Variants in SLC7A8 observed in about 807,000 individuals in gnomAD.
SLC7A8 encodes the protein large neutral amino acids transporter small subunit 2.
In SLC7A8, 30 loss-of-function variants were observed where a neutral mutation model predicts 51.2. The ratio of observed to expected loss-of-function variants is 0.59; its 90% CI spans 0.44 to 0.80. The LOEUF is 0.80. Among genes scored for constraint, SLC7A8 ranks in the 30% least tolerant of loss-of-function variants. The pLI, the probability that SLC7A8 is intolerant of heterozygous loss-of-function variation, is 0.00. For synonymous variants in SLC7A8, 257 were observed against 275.8 expected (o/e 0.93, Z 0.67); for missense variants, 612 against 674.4 (o/e 0.91, Z 1.03).
intron 3 of SLC7A8, among the ~76,000 whole-genome samples, chr14:23,154,760 G>A (rs1330798411): frequency 6.6e-6 from 1 of 152,048 alleles, no homozygotes; most frequent in African/African-American, 2.4e-5. Context: ...AGGTGTGGGG[G>A]AGTGGGCAGA....
chr14:23,150,619 C>G (rs2048838356), intron 3 of SLC7A8, among the ~76,000 whole-genome samples: 1 of 152,126 alleles, frequency 6.6e-6, no homozygotes, highest in Admixed American at 6.6e-5. Flanking sequence ...TACTCTGTAT[C>G]CTGTGTATTG....
At chr14:23,146,447 G>C (rs2048795114) in intron 3 of SLC7A8, among the ~76,000 whole-genome samples, 1 of 152,144 alleles carries the variant, frequency 6.6e-6, no homozygotes, top group South Asian at 2.1e-4. Context: ...TTACAAGATG[G>C]ACCTTACTGA....
rs1411467076 is a variant in SLC7A8, at chr14:23,140,834, C to A, written c.635-210G>T. On this transcript the variant is annotated intron_variant, in intron 4 of 10. Transcript: ENST00000316902. ...TTCCGAGACCCCGGAAACTACGAGT[C>A]CAAATGAGGGTTTAAGTGCCGTTCT... Among the ~76,000 whole-genome samples, 3 of 152,232 alleles carry A rather than the reference C, an allele frequency of 2.0e-5. No individual in the cohort carries two copies. In the East Asian group the frequency reaches 5.8e-4, roughly 29 times the overall value.
In SLC7A8 at chr14:23,127,091, G is replaced by A. The variant is rs761909977; in HGVS notation, c.*86C>T. 6 of 1,491,496 alleles carry A rather than the reference G, an allele frequency of 4.0e-6. No homozygotes were observed. The highest frequency in any genetic ancestry group is 1.7e-5 in the Admixed American group (1 of 58,356). The allele number at this position is 1,491,496 out of a possible 1,614,324, so 92.4% of individuals were successfully genotyped here. A position where few individuals can be genotyped will look rare whatever the true frequency, so the allele number is the denominator to read the frequency against. On this transcript the variant is annotated 3_prime_UTR_variant, in exon 11 of 11. Transcript: ENST00000316902. ...GACAAAAGCAGAGAGAGGGGTGTGT[G>A]TGTACTCGCATGTGTTGGCAGGACC...
intron 1 of SLC7A8, among the ~76,000 whole-genome samples, chr14:23,181,395 C>T (rs1877168768): frequency 7.5e-6 from 1 of 133,902 alleles, no homozygotes; most frequent in Admixed American, 9.7e-5. Flanking sequence ...GAAAACTTCC[C>T]AGAGTCAGGG....
chr14:23,147,012 C>G (rs2048800766), intron 3 of SLC7A8: 1 of 152,112 alleles, frequency 6.6e-6, no homozygotes, highest in Non-Finnish European at 1.5e-5. Flanking sequence ...GACACAGTGA[C>G]CTCAGGGAAG....
intron 3 of SLC7A8, among the ~76,000 whole-genome samples, chr14:23,160,141 G>A (rs2048913767): frequency 6.6e-6 from 1 of 152,226 alleles, no homozygotes; most frequent in Admixed American, 6.5e-5. Flanking sequence ...GGAAAATGCA[G>A]AGTTGCACAG....
chr14:23,142,238 G>C (rs73598469), intron 4 of SLC7A8, among the ~76,000 whole-genome samples: 1 of 152,138 alleles, frequency 6.6e-6, no homozygotes, highest in South Asian at 2.1e-4. Flanking sequence ...CAGTGACGCT[G>C]GGCAGAGCCT....
At chr14:23,131,419 A>G in intron 8 of SLC7A8, 42 bp downstream of exon 8, 1 of 1,480,392 alleles carries the variant, frequency 6.8e-7, no homozygotes, top group Non-Finnish European at 9.1e-7. Context: ...AGGCACAAAG[A>G]GAGGGAGGTG....
intron 7 of SLC7A8, among the ~76,000 whole-genome samples, chr14:23,136,587 A>C (rs2048692551): frequency 6.6e-6 from 1 of 152,184 alleles, no homozygotes; most frequent in Non-Finnish European, 1.5e-5. Context: ...AAGGAGAAGG[A>C]AGGAAGAAGG....
At chr14:23,163,791 T>C (rs2048935722) in intron 3 of SLC7A8, among the ~76,000 whole-genome samples, 1 of 152,158 alleles carries the variant, frequency 6.6e-6, no homozygotes, top group South Asian at 2.1e-4. Context: ...TAGTTTTTGA[T>C]TAAAGATGTA....
At chr14:23,159,799 T>C (rs1050090412) in intron 3 of SLC7A8, among the ~76,000 whole-genome samples, 1 of 152,202 alleles carries the variant, frequency 6.6e-6, no homozygotes, top group African/African-American at 2.4e-5. Flanking sequence ...GTCCTTTCCT[T>C]TCCAAATAGC....
intron 3 of SLC7A8, among the ~76,000 whole-genome samples, chr14:23,147,407 T>C (rs998715441): frequency 2.0e-5 from 3 of 152,176 alleles, no homozygotes; most frequent in African/African-American, 7.2e-5. Flanking sequence ...AACGAGGTGA[T>C]GGCAAAGCTA....
intron 10 of SLC7A8, 121 bp downstream of exon 10, chr14:23,127,898 T>A: frequency 1.2e-6 from 1 of 842,310 alleles, no homozygotes. Context: ...TCCAGGGCTC[T>A]GTGGACTGAG....
rs772528463 is a variant in SLC7A8, at chr14:23,166,450, A to G, written c.242T>C (p.Val81Ala). ...SVGLALIVWI[V>A]TGFITVVGAL... The stretch of plus-strand genomic sequence containing the variant: ...TCCCACAACTGTGATGAAGCCCGTC[A>G]CAATCCAGACGATGAGAGCAAGGCC... The change falls in exon 2 of 11, where the codon GTG (valine) becomes GCG (alanine). Residue 81 changes from valine (V) to alanine (A), a missense_variant. Physicochemically the swap from Val to Ala is moderately conservative, Grantham distance 64. Transcript: ENST00000316902. 1 of 1,614,220 alleles carries G rather than the reference A, an allele frequency of 6.2e-7. No homozygotes were observed. The highest frequency in any genetic ancestry group is 1.1e-5 in the South Asian group (1 of 91,084).
At chr14:23,161,218 C>T (rs992074547) in intron 3 of SLC7A8, among the ~76,000 whole-genome samples, 2 of 151,978 alleles carry the variant, frequency 1.3e-5, no homozygotes, top group Non-Finnish European at 2.9e-5. Context: ...CTTCATTTCT[C>T]ATCAGTTCTC....
intron 3 of SLC7A8, among the ~76,000 whole-genome samples, chr14:23,162,835 A>G (rs1011571436): frequency 2.6e-5 from 4 of 152,064 alleles, no homozygotes; most frequent in Non-Finnish European, 5.9e-5. Context: ...AACTTCTTCA[A>G]CCTGTGGCCT....
rs549766731 is a variant in SLC7A8, at chr14:23,126,854, G to A, written c.*323C>T. The A allele has an allele frequency of 1.8e-5, 7 of 379,284 alleles. No individual in the cohort carries two copies. Among genetic ancestry groups the A allele is most frequent in the East Asian group, 5.2e-5 (1 of 19,074 alleles). 23.5% of individuals were successfully genotyped at this position (379,284 alleles called of 1,614,324 possible). A position where few individuals can be genotyped will look rare whatever the true frequency, so the allele number is the denominator to read the frequency against. ...GGGAGGGAAGGCAGTAATGAGCTCC[G>A]GTTCCTGAAGAGGCAGCTGAGGGTG... is the stretch of plus-strand genomic sequence containing the variant. On this transcript the variant is annotated 3_prime_UTR_variant, in exon 11 of 11. Coordinates refer to ENST00000316902, the MANE Select transcript of SLC7A8 (RefSeq NM_012244.4).
rs778041458 is a variant in SLC7A8 at position 23,155,124 on chromosome 14, A to G, written c.508+10161T>C. The stretch of plus-strand genomic sequence containing the variant: ...AGATCTTGCCTATCGCACGATAGTA[A>G]CATTTCCCCTTCTCCAGCCCTTTTC... On this transcript the variant is annotated intron_variant, in intron 3 of 10. Transcript: ENST00000316902. 8 of 1,519,288 alleles carry G rather than the reference A, an allele frequency of 5.3e-6. No homozygotes were observed. In the South Asian group the frequency reaches 9.6e-5, roughly 18 times the overall value. The allele number at this position is 1,519,288 out of a possible 1,614,324, so 94.1% of individuals were successfully genotyped here. A position where few individuals can be genotyped will look rare whatever the true frequency, so the allele number is the denominator to read the frequency against.
Sources: gnomAD v4.1 joint callset for allele counts (sites outside exome capture counted in the v4.1 genomes callset) on GRCh38, gnomAD v4.1.1 for gene constraint, MANE v1.5 for transcripts, NCBI Gene and HGNC (gene_info 2026-07-23, HGNC 2026-07-21) for gene names.